The following PLEKHA5 variants were observed in gnomAD, a reference collection of about 807,000 sequenced individuals.
PLEKHA5 encodes pleckstrin homology domain-containing family A member 5.
Under a neutral mutation model 181.9 loss-of-function variants are expected in PLEKHA5, and 55 were observed. The observed-to-expected ratio is 0.30, with a 90% CI of 0.24 to 0.38. The LOEUF (loss-of-function observed/expected upper bound fraction) is 0.38. PLEKHA5 is among the 10% of genes least tolerant of loss of function. The probability of loss-of-function intolerance (pLI) is 1.00; values close to 1 mark genes in which losing one functional copy is unlikely to be tolerated. For missense variants in PLEKHA5, 1,432 were observed against 1,549.5 expected, an observed-to-expected ratio of 0.92 and a Z score of 1.27; for synonymous variants, 535 against 529.4, an observed-to-expected ratio of 1.01 and a Z score of -0.15.
At chr12:19,170,286 C>G (rs1466154550) in intron 3 of PLEKHA5, among the ~76,000 whole-genome samples, 11 of 152,016 alleles carry the variant, frequency 7.2e-5, no homozygotes, top group Admixed American at 7.2e-4. Flanking sequence ...AGTTAAAAAA[C>G]CTTGTACAAT....
At chr12:19,343,941 A>T (rs958708632) in intron 22 of PLEKHA5, among the ~76,000 whole-genome samples, 1 of 151,872 alleles carries the variant, frequency 6.6e-6, no homozygotes, top group East Asian at 1.9e-4. Flanking sequence ...AGTCCCAAAT[A>T]CTCAGGAAGC....
Position 19,291,707 on chromosome 12 carries a change from A to G in PLEKHA5, c.2037+10A>G, listed in dbSNP as rs1298504872. On this transcript the variant is annotated intron_variant, in intron 15 of 31. Coordinates refer to ENST00000429027, the MANE Select transcript of PLEKHA5 (RefSeq NM_001256470.2). ...ATATTTGGATCATCAGGTGGGATTC[A>G]TAGAGATTTTCTTACTTTTAATACT... 1.9e-5 allele frequency: 28 copies of G among 1,454,038 alleles called. No homozygotes were observed. The highest frequency in any genetic ancestry group is 1.8e-4 in the African/African-American group (13 of 71,076). The allele number at this position is 1,454,038 out of a possible 1,614,324, so 90.1% of individuals were successfully genotyped here.
At chr12:19,174,259 G>GT (rs1390627042) in intron 3 of PLEKHA5, among the ~76,000 whole-genome samples, 11 of 152,070 alleles carry the variant, frequency 7.2e-5, no homozygotes, top group Admixed American at 4.6e-4. Context: ...AATAGGTTTC[G>GT]TTTTTTGTTG....
chr12:19,351,414 A>G (rs2094585709), intron 25 of PLEKHA5, among the ~76,000 whole-genome samples: 1 of 152,310 alleles, frequency 6.6e-6, no homozygotes, highest in South Asian at 2.1e-4. Flanking sequence ...TTTTAAGCAT[A>G]TACAACAACT....
At chr12:19,155,667 T>C (rs1244926339) in intron 3 of PLEKHA5, among the ~76,000 whole-genome samples, 1 of 152,242 alleles carries the variant, frequency 6.6e-6, no homozygotes, top group African/African-American at 2.4e-5. Flanking sequence ...AATTTGTTAC[T>C]ACTTTGCACT....
intron 3 of PLEKHA5, among the ~76,000 whole-genome samples, chr12:19,249,324 A>G (rs1340732354): frequency 6.6e-6 from 1 of 152,202 alleles, no homozygotes; most frequent in African/African-American, 2.4e-5. Context: ...GCAATACCTC[A>G]ACAGTTAATC....
chr12:19,170,413 T>A (rs894788239), intron 3 of PLEKHA5, among the ~76,000 whole-genome samples: 12 of 140,520 alleles, frequency 8.5e-5, no homozygotes, highest in African/African-American at 3.1e-4. Flanking sequence ...CTTGTGAGCG[T>A]AACAATTCAG....
intron 3 of PLEKHA5, among the ~76,000 whole-genome samples, chr12:19,238,605 G>A (rs1451648799): frequency 6.6e-6 from 1 of 151,924 alleles, no homozygotes; most frequent in East Asian, 1.9e-4. Context: ...ATGTTTTAAC[G>A]TGGCTTTAAG....
intron 30 of PLEKHA5, among the ~76,000 whole-genome samples, chr12:19,368,201 G>C (rs991135109): frequency 2.6e-5 from 4 of 152,044 alleles, no homozygotes; most frequent in African/African-American, 9.7e-5. Flanking sequence ...CACTTACAAG[G>C]CAGTATGAGC....
At chr12:19,156,432 TAG>T (rs1464225154) in intron 3 of PLEKHA5, among the ~76,000 whole-genome samples, 1 of 152,120 alleles carries the variant, frequency 6.6e-6, no homozygotes, top group Non-Finnish European at 1.5e-5. Context: ...GTTTTATTTT[TAG>T]TAAGAAAGGA....
chr12:19,282,781 T>G (rs2076457078), intron 11 of PLEKHA5, among the ~76,000 whole-genome samples: 1 of 152,196 alleles, frequency 6.6e-6, no homozygotes, highest in Non-Finnish European at 1.5e-5. Flanking sequence ...GAACTAATAG[T>G]CTTTTGTGTA....
At chr12:19,133,595 A>T (rs2034673251) in intron 3 of PLEKHA5, among the ~76,000 whole-genome samples, 1 of 151,974 alleles carries the variant, frequency 6.6e-6, no homozygotes, top group Non-Finnish European at 1.5e-5. Flanking sequence ...ACTTCCAGTA[A>T]ATTATAATTA....
At chr12:19,228,591 G>GAT (rs892765024) in intron 3 of PLEKHA5, among the ~76,000 whole-genome samples, 3 of 152,174 alleles carry the variant, frequency 2.0e-5, no homozygotes, top group African/African-American at 7.2e-5. Flanking sequence ...CCATTCTAGA[G>GAT]ATGAAGGAAG....
chr12:19,215,383 T>A (rs1398737872), intron 3 of PLEKHA5, among the ~76,000 whole-genome samples: 1 of 152,138 alleles, frequency 6.6e-6, no homozygotes, highest in East Asian at 1.9e-4. Flanking sequence ...TAACTATTTA[T>A]TGAGTGTTTA....
intron 3 of PLEKHA5, among the ~76,000 whole-genome samples, chr12:19,234,528 T>C (rs1258959971): frequency 6.6e-6 from 1 of 152,208 alleles, no homozygotes; most frequent in African/African-American, 2.4e-5. Flanking sequence ...TGCCTCTTAG[T>C]ATCCCTCATA....
Position 19,343,356 on chromosome 12 carries a change from C to G in PLEKHA5, c.2584C>G (p.Gln862Glu). 1 of 1,613,606 alleles carries G rather than the reference C, an allele frequency of 6.2e-7. No individual in the cohort carries two copies. The highest frequency in any genetic ancestry group is 8.5e-7 in the Non-Finnish European group (1 of 1,179,658). ...AGCAGGAATTCAGCGTGCACAGATT[C>G]AGAAAGAACTTTGGCGAATTCAGGA... Reference protein sequence around the residue: ...ESAGIQRAQIQKELWRIQDVM... With the variant: ...ESAGIQRAQIEKELWRIQDVM... Residue 862 changes from glutamine (Q) to glutamate (E), a missense_variant, in exon 22 of 32, where the codon CAG becomes GAG. Gln to Glu is a conservative substitution (Grantham distance 29). This residue lies in a region of PLEKHA5 where 1,143 missense variants were observed against 1,168.4 expected (regional missense o/e 0.98). Transcript: ENST00000429027.
chr12:19,134,947 A>G (rs904792797), intron 3 of PLEKHA5, among the ~76,000 whole-genome samples: 8 of 152,136 alleles, frequency 5.3e-5, no homozygotes, highest in Non-Finnish European at 1.0e-4. Context: ...AGATGAAGAA[A>G]GGTGGTTATT....
chr12:19,265,973 A>G, intron 8 of PLEKHA5, 123 bp downstream of exon 8: 1 of 496,482 alleles, frequency 2.0e-6, no homozygotes, highest in Non-Finnish European at 3.6e-6. Context: ...AAATATATTA[A>G]TTAATGGTCT....
intron 3 of PLEKHA5, among the ~76,000 whole-genome samples, chr12:19,208,939 A>G (rs1414302589): frequency 1.3e-5 from 2 of 152,190 alleles, no homozygotes; most frequent in Non-Finnish European, 2.9e-5. Flanking sequence ...AAAATAAAGT[A>G]CTAGAAATTG....
Sources: allele counts gnomAD v4.1 joint callset (sites outside exome capture counted in the v4.1 genomes callset), GRCh38; gene constraint gnomAD v4.1.1; regional missense constraint gnomAD v4.1.1; transcripts MANE v1.5; gene names NCBI Gene and HGNC (gene_info 2026-07-23, HGNC 2026-07-21).